The following SCARB1 variants were observed in gnomAD, a reference collection of about 807,000 sequenced individuals.
The protein encoded by SCARB1 is scavenger receptor class B member 1.
A neutral mutation model predicts 57.2 loss-of-function variants in SCARB1; 30 were observed. That is an observed-to-expected ratio of 0.52 (90% CI 0.39 to 0.71). The LOEUF is 0.71. Ranked by LOEUF, SCARB1 falls within the 30% of genes least tolerant of loss-of-function variation. The probability of loss-of-function intolerance (pLI) is 0.00; values close to 1 mark genes in which losing one functional copy is unlikely to be tolerated. For synonymous variants in SCARB1, 249 were observed against 268.3 expected, an observed-to-expected ratio of 0.93 and a Z score of 0.70; for missense variants, 543 against 671.2, an observed-to-expected ratio of 0.81 and a Z score of 2.11.
chr12:124,827,929 A>C (rs1409108756), intron 1 of SCARB1, among the ~76,000 whole-genome samples: 1 of 152,128 alleles, frequency 6.6e-6, no homozygotes, highest in Non-Finnish European at 1.5e-5. Context: ...CAAGATCCTC[A>C]GCTGCTTTGT....
chr12:124,851,523 A>C (rs565553808), intron 1 of SCARB1, among the ~76,000 whole-genome samples: 1 of 152,112 alleles, frequency 6.6e-6, no homozygotes, highest in Admixed American at 6.5e-5. Context: ...CACGGAGCAA[A>C]ATCACAAGCA....
In SCARB1 at chr12:124,863,676, G is replaced by C. The variant is rs765311290; in HGVS notation, c.45C>G (p.Gly15=). The change falls in exon 1 of 13, where the codon GGC becomes GGG. Residue 15 remains glycine (G), a synonymous_variant. Transcript: ENST00000261693. ...AKARWAAGAL[G]VAGLLCAVLG... Reference sequence around the variant, plus strand: ...GCACAGCGCACAGTAGCCCCGCGACGCCCAGCGCCCCGGCAGCCCAGCGCG... The same window carrying C: ...GCACAGCGCACAGTAGCCCCGCGACCCCCAGCGCCCCGGCAGCCCAGCGCG... The C allele has an allele frequency of 5.8e-5, 90 of 1,563,376 alleles. No individual in the cohort carries two copies. Among genetic ancestry groups the C allele is most frequent in the Middle Eastern group, 1.7e-4 (1 of 5,962 alleles).
intron 1 of SCARB1, among the ~76,000 whole-genome samples, chr12:124,852,175 T>C (rs1265595827): frequency 6.6e-6 from 1 of 152,038 alleles, no homozygotes; most frequent in Non-Finnish European, 1.5e-5. Flanking sequence ...CCCGATGACA[T>C]CTTTATACAC....
intron 11 of SCARB1, chr12:124,785,156 C>T (rs1022108976): frequency 6.6e-6 from 1 of 152,496 alleles, no homozygotes; most frequent in Non-Finnish European, 1.5e-5. Context: ...GCACTGGGGC[C>T]TCCCCGCTGG....
chr12:124,795,322 C>T (rs368794327), intron 8 of SCARB1, 54 bp from the exon 9 acceptor site: 398 of 1,404,634 alleles, frequency 2.8e-4, no homozygotes, highest in Admixed American at 2.8e-4. Flanking sequence ...CCAGGGACAC[C>T]GTCAACCCTC....
chr12:124,816,572 C>G (rs1950724487), intron 2 of SCARB1, among the ~76,000 whole-genome samples: 1 of 152,194 alleles, frequency 6.6e-6, no homozygotes, highest in African/African-American at 2.4e-5. Context: ...CAGAACCAGA[C>G]TGTGGGTCTC....
intron 6 of SCARB1, among the ~76,000 whole-genome samples, chr12:124,809,102 G>T (rs1244052832): frequency 2.6e-5 from 4 of 151,896 alleles, no homozygotes; most frequent in Non-Finnish European, 4.4e-5. Flanking sequence ...CCTCGTTTCT[G>T]AAAAACACCC....
chr12:124,779,657 A>T (rs1873047262), intron 12 of SCARB1, among the ~76,000 whole-genome samples: 1 of 152,232 alleles, frequency 6.6e-6, no homozygotes, highest in African/African-American at 2.4e-5. Flanking sequence ...AAAAATACAG[A>T]TAATGCTAAT....
chr12:124,810,276 T>G lies in SCARB1; in HGVS notation c.740A>C (p.His247Pro). The change falls in exon 6 of 13, where the codon CAT becomes CCT. Residue 247 changes from histidine to proline, a missense_variant. By Grantham distance (77) the His-to-Pro change is moderately conservative. Transcript: ENST00000261693. The surrounding 1 kb of genome is among the most constrained non-coding windows in gnomAD (Gnocchi z 4.0). ...WNGLSKVDFW[H>P]SDQCNMINGT... is the part of the protein sequence containing the mutation. ...ATTGATCATGTTGCACTGATCGGAA[T>G]GCCAGAAGTCAACCTGGGGGGAAGC... is the stretch of plus-strand genomic sequence containing the variant. 1.2e-6 allele frequency: 2 copies of G among 1,613,638 alleles called. No individual in the cohort carries two copies. Among genetic ancestry groups the G allele is most frequent in the Non-Finnish European group, 1.7e-6 (2 of 1,179,592 alleles).
rs1437622792 is a variant in SCARB1, at chr12:124,789,423, G to A, written c.1203-1966C>T. Among the ~76,000 whole-genome samples the A allele has an allele frequency of 6.6e-6, 1 of 152,188 alleles. No homozygotes were observed. Among genetic ancestry groups the A allele is most frequent in the Non-Finnish European group, 1.5e-5 (1 of 68,040 alleles). On this transcript the variant is annotated intron_variant, in intron 9 of 12. Transcript: ENST00000261693. The surrounding 1 kb of genome is among the most constrained non-coding windows in gnomAD (Gnocchi z 4.4). ...TGCCTAAGGAGACCGGAAGACCAAT[G>A]CGACACCTGGGAAACTGTGACCTGC...
intron 1 of SCARB1, among the ~76,000 whole-genome samples, chr12:124,852,187 C>A (rs1012782980): frequency 2.6e-5 from 4 of 152,156 alleles, no homozygotes; most frequent in Admixed American, 2.6e-4. Flanking sequence ...TTTATACACC[C>A]GCATCCCTTC....
chr12:124,824,365 T>C (rs182365939), intron 1 of SCARB1, among the ~76,000 whole-genome samples: 4 of 152,250 alleles, frequency 2.6e-5, no homozygotes, highest in African/African-American at 9.6e-5. Context: ...AGATTGGTGG[T>C]TGCCAGGGGC....
chr12:124,806,393 A>G (rs1375851985), intron 7 of SCARB1, among the ~76,000 whole-genome samples: 1 of 152,160 alleles, frequency 6.6e-6, no homozygotes, highest in Non-Finnish European at 1.5e-5. Context: ...ACACACCAAC[A>G]ATGTCAGGGG....
At position 124,817,880 on chromosome 12, in the gene SCARB1, C is replaced by T. The variant is rs2135695601; in HGVS notation, c.127-173G>A. On this transcript the variant is annotated intron_variant, in intron 1 of 12. Transcript: ENST00000261693. This position sits in a 1 kb window ranked among gnomAD's most constrained non-coding sequence, Gnocchi z 4.8. Reference sequence around the variant, plus strand: ...GCACATGAGGCTGTCGCACCTGGAGCTTATGGAATTAAACAGGCAACCTAT... The same window carrying T: ...GCACATGAGGCTGTCGCACCTGGAGTTTATGGAATTAAACAGGCAACCTAT... Among the ~76,000 whole-genome samples the T allele has an allele frequency of 6.6e-6, 1 of 152,298 alleles. No individual in the cohort carries two copies. Among genetic ancestry groups the T allele is most frequent in the East Asian group, 1.9e-4 (1 of 5,186 alleles).
intron 1 of SCARB1, among the ~76,000 whole-genome samples, chr12:124,835,643 A>T (rs1951621004): frequency 6.6e-6 from 1 of 151,978 alleles, no homozygotes; most frequent in African/African-American, 2.4e-5. Context: ...GCCCCCACTA[A>T]AAAAAACACA....
chr12:124,781,955 G>T (rs1380784299), intron 12 of SCARB1, among the ~76,000 whole-genome samples: 1 of 151,956 alleles, frequency 6.6e-6, no homozygotes, highest in Non-Finnish European at 1.5e-5. Context: ...ACCCAGGCTG[G>T]AGTGCAGTGG....
At chr12:124,863,494 C>T in intron 1 of SCARB1, 101 bp downstream of exon 1, 1 of 1,336,136 alleles carries the variant, frequency 7.5e-7, no homozygotes, top group Non-Finnish European at 1.0e-6. Context: ...GCGCCGATTC[C>T]GCTGCGGTCG....
rs900852435 is a variant in SCARB1 at position 124,817,182 on chromosome 12, C to G, written c.284+368G>C. On this transcript the variant is annotated intron_variant, in intron 2 of 12. Coordinates refer to ENST00000261693, the MANE Select transcript of SCARB1 (RefSeq NM_005505.5). The surrounding 1 kb of genome is among the most constrained non-coding windows in gnomAD (Gnocchi z 4.8). Reference sequence around the variant, plus strand: ...TGTATGTGTGTAACTCACACATGCACCCTCCACCCAGACGCACACCATTGG... The same window carrying G: ...TGTATGTGTGTAACTCACACATGCAGCCTCCACCCAGACGCACACCATTGG... Among the ~76,000 whole-genome samples, 10 of 151,436 alleles carry G rather than the reference C, an allele frequency of 6.6e-5. No individual in the cohort carries two copies. The highest frequency in any genetic ancestry group is 2.2e-4 in the African/African-American group (9 of 41,138).
Position 124,795,280 on chromosome 12 carries a change from AAC to A in SCARB1, c.1129-14_1129-13del, listed in dbSNP as rs1424838333. On this transcript the variant is annotated splice_polypyrimidine_tract_variant and intron_variant, in intron 8 of 12. Transcript: ENST00000261693. Reference sequence around the variant, plus strand: ...GGGATTCCCGTGACCTGCGGCAACAAACACAGTGAGGAGACTGGCCACCCCCA... The same window carrying A: ...GGGATTCCCGTGACCTGCGGCAACAAACAGTGAGGAGACTGGCCACCCCCA... The A allele has an allele frequency of 6.2e-7, 1 of 1,612,134 alleles. No individual in the cohort carries two copies. Among genetic ancestry groups the A allele is most frequent in the Admixed American group, 1.7e-5 (1 of 59,998 alleles).
Sources: gnomAD v4.1 joint callset for allele counts (sites outside exome capture counted in the v4.1 genomes callset) on GRCh38, gnomAD v4.1.1 for gene constraint, Gnocchi (gnomAD v3.1) non-coding constraint, MANE v1.5 for transcripts, NCBI Gene and HGNC (gene_info 2026-07-23, HGNC 2026-07-21) for gene names.